CBY1: variants seen among roughly 807,000 people sequenced by gnomAD.
CBY1 encodes the protein chibby 1, beta catenin antagonist.
In CBY1, 10 loss-of-function variants were observed where a neutral mutation model predicts 15.6. That is an observed-to-expected ratio of 0.64 (90% CI 0.40 to 1.09). The LOEUF is 1.09. Ranked by LOEUF, CBY1 falls within the 50% of genes least tolerant of loss-of-function variation. The pLI, the probability that CBY1 is intolerant of heterozygous loss-of-function variation, is 0.01. For missense variants in CBY1, 150 were observed against 160.5 expected (o/e 0.93, Z 0.35); for synonymous variants, 61 against 63.5 (o/e 0.96, Z 0.19).
At chr22:38,664,464 C>A (rs1400064659) in intron 1 of CBY1, among the ~76,000 whole-genome samples, 2 of 134,730 alleles carry the variant, frequency 1.5e-5, no homozygotes, top group African/African-American at 5.7e-5. Flanking sequence ...GAGGGAGACT[C>A]CATCTCAAAA....
chr22:38,670,863 C>G (rs1412464167), intron 2 of CBY1, 21 bp from the exon 3 acceptor site: 2 of 1,579,854 alleles, frequency 1.3e-6, no homozygotes, highest in South Asian at 2.2e-5. Flanking sequence ...CTGAAGTTGT[C>G]ACATAGCATC....
chr22:38,664,692 T>A (rs1413275678), intron 1 of CBY1, among the ~76,000 whole-genome samples: 1 of 152,170 alleles, frequency 6.6e-6, no homozygotes, highest in East Asian at 1.9e-4. Flanking sequence ...GAGTCTAAAT[T>A]GGTACAATGA....
chr22:38,658,469 AT>A (rs11433408), intron 1 of CBY1, among the ~76,000 whole-genome samples: 3 of 145,272 alleles, frequency 2.1e-5, no homozygotes, highest in African/African-American at 5.1e-5. Context: ...ATTTTATTTT[AT>A]TTTTTTTTGA....
rs550094315 is a variant in CBY1 at position 38,661,276 on chromosome 22, C to T, written c.-39+4526C>T. Among the ~76,000 whole-genome samples the T allele has an allele frequency of 3.3e-3, 500 of 152,272 alleles. 3 individuals carry two copies. The highest frequency in any genetic ancestry group is 0.012 in the African/African-American group (480 of 41,558). On this transcript the variant is annotated intron_variant, in intron 1 of 4. Coordinates refer to ENST00000216029, the MANE Select transcript of CBY1 (RefSeq NM_015373.4). ...GCAACCTCCGCCTCCCAGGTTCAAG[C>T]GTTTCTTGTGCCTCAGCCTCCCAGG...
At chr22:38,662,429 A>G (rs539136034) in intron 1 of CBY1, among the ~76,000 whole-genome samples, 1 of 152,320 alleles carries the variant, frequency 6.6e-6, no homozygotes, top group East Asian at 1.9e-4. Context: ...ACAAATGTGA[A>G]ATGCAAACAA....
chr22:38,673,144 C>T lies in CBY1; in HGVS notation c.304-15C>T. 1 of 1,594,822 alleles carries T rather than the reference C, an allele frequency of 6.3e-7. No individual in the cohort carries two copies. Among genetic ancestry groups the T allele is most frequent in the Non-Finnish European group, 8.6e-7 (1 of 1,162,722 alleles). The stretch of plus-strand genomic sequence containing the variant: ...GAAATGTGCTGCTTGCTAACAGCCG[C>T]TGCTTCACTTTCAGCTTTCAGAGTC... On this transcript the variant is annotated splice_polypyrimidine_tract_variant and intron_variant, in intron 4 of 4. Transcript: ENST00000216029.
At chr22:38,666,689 C>T (rs6001189) in intron 1 of CBY1, 44,453 of 151,642 alleles carry the variant, frequency 0.29, 6,551 homozygotes, top group East Asian at 0.36. Context: ...TAGCTTTACT[C>T]ATTTATTTAT....
At position 38,657,363 on chromosome 22, in the gene CBY1, G is replaced by A. The variant is rs149821710; in HGVS notation, c.-39+613G>A. Among the ~76,000 whole-genome samples, 536 of 152,276 alleles carry A rather than the reference G, an allele frequency of 3.5e-3. 2 individuals are homozygous for A. The highest frequency in any genetic ancestry group is 0.013 in the African/African-American group (522 of 41,564). Reference sequence around the variant, plus strand: ...ATTCCTCAGTGCAAAGAAAGAAGCCGAAGTCCAAGGGGGATAAATGCTGGG... The same window carrying A: ...ATTCCTCAGTGCAAAGAAAGAAGCCAAAGTCCAAGGGGGATAAATGCTGGG... On this transcript the variant is annotated intron_variant, in intron 1 of 4. Coordinates refer to ENST00000216029, the MANE Select transcript of CBY1 (RefSeq NM_015373.4).
At chr22:38,671,504 G>T (rs1306017467) in intron 4 of CBY1, 2 of 352,750 alleles carry the variant, frequency 5.7e-6, no homozygotes, top group African/African-American at 4.2e-5. Context: ...AATGTGGAAG[G>T]ATAATGGCAG....
At chr22:38,660,780 C>T (rs1446286069) in intron 1 of CBY1, among the ~76,000 whole-genome samples, 1 of 118,854 alleles carries the variant, frequency 8.4e-6, no homozygotes, top group Non-Finnish European at 1.7e-5. Context: ...TCTTGTTGCC[C>T]AGGCTGGAGC....
chr22:38,668,429 G>T (rs2092443330), intron 2 of CBY1: 1 of 234,218 alleles, frequency 4.3e-6, no homozygotes, highest in Non-Finnish European at 8.4e-6. Flanking sequence ...AGGGTGCAGT[G>T]GCGCGATCTT....
At chr22:38,659,601 A>G (rs13053278) in intron 1 of CBY1, among the ~76,000 whole-genome samples, 2 of 151,892 alleles carry the variant, frequency 1.3e-5, no homozygotes, top group Non-Finnish European at 2.9e-5. Context: ...GGTGGCTCAC[A>G]CCTGTCGTCC....
chr22:38,668,694 C>T (rs1414813391), intron 2 of CBY1: 1 of 152,990 alleles, frequency 6.5e-6, no homozygotes, highest in African/African-American at 2.4e-5. Flanking sequence ...TTGACTTCTA[C>T]TTTATTCTGT....
At position 38,670,978 on chromosome 22, in the gene CBY1, A is replaced by G; in HGVS notation, c.173A>G (p.Gln58Arg). ...CAAAGCCTGAAGTTTGAAAATGGCC[A>G]GTGGATAGCAGGTGAGCTGCACTTC... ...AGQSLKFENG[Q>R]WIAETGVSGG... Residue 58 changes from glutamine to arginine, a missense_variant, in exon 3 of 5, where the codon CAG (glutamine) becomes CGG (arginine). Gln to Arg is a conservative substitution (Grantham distance 43, BLOSUM62 1). Transcript: ENST00000216029. 4 of 1,613,990 alleles carry G rather than the reference A, an allele frequency of 2.5e-6. No individual in the cohort carries two copies. The highest frequency in any genetic ancestry group is 3.4e-6 in the Non-Finnish European group (4 of 1,179,828).
chr22:38,660,217 T>G (rs1486735771), intron 1 of CBY1, among the ~76,000 whole-genome samples: 1 of 151,804 alleles, frequency 6.6e-6, no homozygotes, highest in Non-Finnish European at 1.5e-5. Flanking sequence ...TTTTTTGAGA[T>G]GGAGTGTTGC....
Position 38,671,104 on chromosome 22 carries a change from G to A in CBY1, c.219G>A (p.Glu73=). ...TTAGTGGCGGTGTGGACCGGAGGGA[G>A]GTTCAGCGCCTTCGCAGGCGGAACC... The part of the protein sequence containing the change: ...TGVSGGVDRR[E]VQRLRRRNQQ... Residue 73 remains glutamate, a synonymous_variant, in exon 4 of 5, where the codon GAG becomes GAA. Transcript: ENST00000216029. The A allele has an allele frequency of 6.2e-7, 1 of 1,614,246 alleles. No individual in the cohort carries two copies. The highest frequency in any genetic ancestry group is 8.5e-7 in the Non-Finnish European group (1 of 1,180,034).
chr22:38,670,683 G>T (rs539140091), intron 2 of CBY1: 2 of 552,468 alleles, frequency 3.6e-6, no homozygotes, highest in African/African-American at 1.9e-5. Context: ...AACATCTAAT[G>T]TATAAAACAG....
At chr22:38,664,021 CAA>C (rs908356522) in intron 1 of CBY1, among the ~76,000 whole-genome samples, 1 of 111,152 alleles carries the variant, frequency 9.0e-6, no homozygotes, top group Admixed American at 9.4e-5. Flanking sequence ...GACTGTGTTT[CAA>C]AAAAAAAAAA....
At chr22:38,658,171 G>C (rs758016623) in intron 1 of CBY1, among the ~76,000 whole-genome samples, 1 of 151,564 alleles carries the variant, frequency 6.6e-6, no homozygotes, top group South Asian at 2.1e-4. Context: ...TGTCACCCAG[G>C]CTAGAAAGCA....
Sources: gnomAD v4.1 joint callset for allele counts (sites outside exome capture counted in the v4.1 genomes callset) on GRCh38, gnomAD v4.1.1 for gene constraint, MANE v1.5 for transcripts, NCBI Gene and HGNC (gene_info 2026-07-23, HGNC 2026-07-21) for gene names.